The following DENND6A variants were observed in gnomAD, a reference collection of about 807,000 sequenced individuals.
DENND6A encodes the protein DENN domain containing 6A.
Under a neutral mutation model 95.5 loss-of-function variants are expected in DENND6A, and 43 were observed. The ratio of observed to expected loss-of-function variants is 0.45; its 90% CI spans 0.35 to 0.58. The LOEUF (loss-of-function observed/expected upper bound fraction) is 0.58. Ranked by LOEUF, DENND6A falls within the 20% of genes least tolerant of loss-of-function variation. DENND6A has a pLI of 0.00. For synonymous variants in DENND6A, 257 were observed against 260.4 expected (o/e 0.99, Z 0.13); for missense variants, 574 against 736.0 (o/e 0.78, Z 2.55).
chr3:57,628,152 G>A lies in DENND6A; in HGVS notation c.*62C>T. 6.4e-7 allele frequency: 1 copy of A among 1,566,622 alleles called. No homozygotes were observed. Among genetic ancestry groups the A allele is most frequent in the Non-Finnish European group, 8.7e-7 (1 of 1,155,712 alleles). ...CTGAGAGATCTCCTTTGTGCGTCTG[G>A]TTGAAATGTCAGTATGCTTCATGAT... is the stretch of plus-strand genomic sequence containing the variant. On this transcript the variant is annotated 3_prime_UTR_variant, in exon 20 of 20. Transcript: ENST00000311128.
At chr3:57,671,685 G>T (rs140862607) in intron 3 of DENND6A, among the ~76,000 whole-genome samples, 1 of 152,162 alleles carries the variant, frequency 6.6e-6, no homozygotes, top group African/African-American at 2.4e-5. Flanking sequence ...TAACCTGAAG[G>T]ATGTCAACGA....
intron 12 of DENND6A, among the ~76,000 whole-genome samples, chr3:57,636,891 T>G (rs1284755194): frequency 6.8e-6 from 1 of 147,356 alleles, no homozygotes; most frequent in African/African-American, 2.5e-5. Context: ...AAGCCGAGAT[T>G]GTGTCACTAC....
chr3:57,625,871 A>T lies in DENND6A; in HGVS notation c.*2343T>A, dbSNP rs2070516654. On this transcript the variant is annotated 3_prime_UTR_variant, in exon 20 of 20. Coordinates refer to ENST00000311128, the MANE Select transcript of DENND6A (RefSeq NM_152678.3). ...TTTTGCTACTGTTTAGCTGTGCAAA[A>T]TAGACTTGAAATGATACATCCTGTA... 1 of 152,582 alleles carries T rather than the reference A, an allele frequency of 6.6e-6. No homozygotes were observed. Among genetic ancestry groups the T allele is most frequent in the South Asian group, 2.1e-4 (1 of 4,836 alleles). 9.5% of individuals were successfully genotyped at this position (152,582 alleles called of 1,614,324 possible). A position where few individuals can be genotyped will look rare whatever the true frequency, so the allele number is the denominator to read the frequency against.
chr3:57,669,564 A>C (rs1486198811), intron 3 of DENND6A, among the ~76,000 whole-genome samples: 1 of 151,514 alleles, frequency 6.6e-6, no homozygotes, highest in Non-Finnish European at 1.5e-5. Flanking sequence ...AAATGCAAAA[A>C]ATTAGCCAGG....
At chr3:57,638,481 A>G (rs1364007403) in intron 12 of DENND6A, among the ~76,000 whole-genome samples, 2 of 151,122 alleles carry the variant, frequency 1.3e-5, no homozygotes, top group African/African-American at 2.4e-5. Context: ...AACATGGTGA[A>G]TCCCTGTCTC....
intron 5 of DENND6A, 124 bp from the exon 6 acceptor site, chr3:57,661,675 G>A: frequency 1.4e-6 from 1 of 708,610 alleles, no homozygotes; most frequent in South Asian, 1.9e-5. Context: ...CTTTTACAGT[G>A]GATAGTTAAA....
chr3:57,650,257 C>A (rs1174858106), intron 9 of DENND6A, among the ~76,000 whole-genome samples: 1 of 151,300 alleles, frequency 6.6e-6, no homozygotes, highest in East Asian at 1.9e-4. Context: ...ATTCATGCAA[C>A]CAAACACCAC....
chr3:57,666,278 T>G, intron 3 of DENND6A, 43 bp from the exon 4 acceptor site: 1 of 1,450,280 alleles, frequency 6.9e-7, no homozygotes, highest in Non-Finnish European at 9.6e-7. Context: ...TAGCTTAGTA[T>G]AACATTTATC....
At chr3:57,684,323 T>C (rs2077192686) in intron 1 of DENND6A, among the ~76,000 whole-genome samples, 1 of 151,344 alleles carries the variant, frequency 6.6e-6, no homozygotes, top group Non-Finnish European at 1.5e-5. Flanking sequence ...ATTAGCTGGG[T>C]GCGGTGGCAC....
intron 9 of DENND6A, among the ~76,000 whole-genome samples, chr3:57,656,049 T>C (rs1489688715): frequency 1.3e-5 from 2 of 152,200 alleles, no homozygotes; most frequent in African/African-American, 2.4e-5. Context: ...AATAATGCCA[T>C]AACATGTACT....
intron 9 of DENND6A, among the ~76,000 whole-genome samples, chr3:57,656,324 G>A (rs1191078575): frequency 2.0e-5 from 3 of 152,120 alleles, no homozygotes; most frequent in Non-Finnish European, 4.4e-5. Context: ...GCTTTTGGAA[G>A]TCTTTCACAT....
chr3:57,650,425 C>T (rs1414844328), intron 9 of DENND6A, among the ~76,000 whole-genome samples: 2 of 133,652 alleles, frequency 1.5e-5, no homozygotes, highest in African/African-American at 6.2e-5. Flanking sequence ...TTTACATACA[C>T]ACACACACAC....
rs1305111319 is a variant in DENND6A at position 57,692,806 on chromosome 3, G to A, written c.213C>T (p.Asp71=). Residue 71 remains aspartate, a synonymous_variant, in exon 1 of 20, where the codon GAC becomes GAT. Transcript: ENST00000311128. The part of the protein sequence containing the change: ...WLHCVCVVGF[D]LELGQAVEVI... ...CCTCCACGGCCTGGCCCAGCTCCAGGTCGAAGCCCACCACACACACGCAGT... is the reference window on the plus strand; with the variant it reads ...CCTCCACGGCCTGGCCCAGCTCCAGATCGAAGCCCACCACACACACGCAGT... 2.6e-6 allele frequency: 4 copies of A among 1,560,648 alleles called. No homozygotes were observed. In the African/African-American group the frequency reaches 5.7e-5, roughly 22 times the overall value.
At chr3:57,643,166 G>A (rs2070988921) in intron 11 of DENND6A, among the ~76,000 whole-genome samples, 2 of 151,800 alleles carry the variant, frequency 1.3e-5, no homozygotes, top group African/African-American at 4.9e-5. Flanking sequence ...TGTAATCAGA[G>A]ATATTTTAGG....
chr3:57,647,777 G>C (rs994239611), intron 9 of DENND6A, among the ~76,000 whole-genome samples: 1 of 151,668 alleles, frequency 6.6e-6, no homozygotes, highest in Non-Finnish European at 1.5e-5. Context: ...AGCCCAAAAA[G>C]GGGAAGATGG....
At chr3:57,658,326 C>G (rs1445958361) in intron 8 of DENND6A, among the ~76,000 whole-genome samples, 1 of 151,764 alleles carries the variant, frequency 6.6e-6, no homozygotes. Flanking sequence ...GCCAGGAGTT[C>G]GAGACCAGCC....
intron 7 of DENND6A, among the ~76,000 whole-genome samples, 198 bp from the exon 8 acceptor site, chr3:57,659,378 A>C (rs1349422190): frequency 6.6e-6 from 1 of 151,766 alleles, no homozygotes; most frequent in Non-Finnish European, 1.5e-5. Context: ...CTCCATACCC[A>C]CACACACACA....
Position 57,692,887 on chromosome 3 carries a change from C to T in DENND6A, c.132G>A (p.Glu44=). 1 of 1,583,192 alleles carries T rather than the reference C, an allele frequency of 6.3e-7. No homozygotes were observed. Among genetic ancestry groups the T allele is most frequent in the Non-Finnish European group, 8.6e-7 (1 of 1,169,330 alleles). The change falls in exon 1 of 20, where the codon GAG becomes GAA. Residue 44 remains glutamate (E), a synonymous_variant. Coordinates refer to ENST00000311128, the MANE Select transcript of DENND6A (RefSeq NM_152678.3). ...GCAGGCCCCGGCCACGGCCATCGTC[C>T]TCTTCATCGTCCTCTGGCGCGCCTC... ...AAGGAPEDDE[E]DDGRGRGLLR...
At chr3:57,671,869 T>C (rs1354412885) in intron 3 of DENND6A, among the ~76,000 whole-genome samples, 3 of 152,198 alleles carry the variant, frequency 2.0e-5, no homozygotes, top group African/African-American at 7.2e-5. Flanking sequence ...ACCAAATTTA[T>C]CCTGGCTTTT....
Sources: allele counts gnomAD v4.1 joint callset (sites outside exome capture counted in the v4.1 genomes callset), GRCh38; gene constraint gnomAD v4.1.1; transcripts MANE v1.5; gene names NCBI Gene and HGNC (gene_info 2026-07-23, HGNC 2026-07-21).